Variants in DLAT observed in about 807,000 individuals in gnomAD.
DLAT encodes the protein dihydrolipoamide S-acetyltransferase, also known as dihydrolipoyllysine-residue acetyltransferase component of pyruvate dehydrogenase complex, mitochondrial.
DLAT carries 43 observed loss-of-function variants against 68.0 expected under a neutral mutation model. The observed-to-expected ratio is 0.63, with a 90% CI of 0.50 to 0.81. The LOEUF (loss-of-function observed/expected upper bound fraction) is 0.81. Ranked by LOEUF, DLAT falls within the 40% of genes least tolerant of loss-of-function variation. The pLI, the probability that DLAT is intolerant of heterozygous loss-of-function variation, is 0.00. For missense variants in DLAT, 745 were observed against 815.4 expected (o/e 0.91, Z 1.05); for synonymous variants, 265 against 288.6 (o/e 0.92, Z 0.83).
At chr11:112,028,200 G>A (rs959739102) in intron 2 of DLAT, among the ~76,000 whole-genome samples, 1 of 152,002 alleles carries the variant, frequency 6.6e-6, no homozygotes, top group Non-Finnish European at 1.5e-5. Flanking sequence ...CACATGAACT[G>A]TATAATTCTA....
At chr11:112,049,710 A>G (rs897014865) in intron 10 of DLAT, among the ~76,000 whole-genome samples, 1 of 151,998 alleles carries the variant, frequency 6.6e-6, no homozygotes, top group South Asian at 2.1e-4. Flanking sequence ...TTTTTTTCAT[A>G]TACCTGCTGA....
At chr11:112,058,920 T>C (rs1480942136) in intron 11 of DLAT, among the ~76,000 whole-genome samples, 2 of 152,134 alleles carry the variant, frequency 1.3e-5, no homozygotes, top group African/African-American at 2.4e-5. Flanking sequence ...TCAGTATAGT[T>C]TCTCTCTTTT....
chr11:112,030,630 T>C (rs1862342182), intron 4 of DLAT, among the ~76,000 whole-genome samples: 1 of 152,246 alleles, frequency 6.6e-6, no homozygotes, highest in Non-Finnish European at 1.5e-5. Context: ...GCAGTGAATG[T>C]AATCACTGTT....
At chr11:112,037,490 C>T (rs782178787) in intron 6 of DLAT, 30 bp downstream of exon 6, 6 of 1,605,586 alleles carry the variant, frequency 3.7e-6, no homozygotes, top group South Asian at 3.3e-5. Flanking sequence ...TCAGGAAACA[C>T]TTACCTTGTT....
At chr11:112,040,266 G>A (rs1263330637) in intron 7 of DLAT, among the ~76,000 whole-genome samples, 1 of 152,112 alleles carries the variant, frequency 6.6e-6, no homozygotes, top group Non-Finnish European at 1.5e-5. Flanking sequence ...TTGGTTTGAT[G>A]GCTTGTACTA....
chr11:112,041,877 G>A (rs1863068687), intron 7 of DLAT, among the ~76,000 whole-genome samples: 1 of 149,370 alleles, frequency 6.7e-6, no homozygotes, highest in Non-Finnish European at 1.5e-5. Context: ...GCAAGACTCC[G>A]TCTCAAAGAA....
rs587608662 is a variant in DLAT, at chr11:112,056,996, G to A, written c.1515-2907G>A. ...TTCCAACAGCATGTGCTCACTTCCT[G>A]TCTCTGTGTCACATTTTGGCAATTC... On this transcript the variant is annotated intron_variant, in intron 11 of 13. Transcript: ENST00000280346. 2.7e-3 allele frequency among the ~76,000 whole-genome samples: 418 copies of A among 152,242 alleles called. 2 individuals carry two copies. Among genetic ancestry groups the A allele is most frequent in the African/African-American group, 9.5e-3 (394 of 41,550 alleles).
chr11:112,054,359 G>A (rs1555182283), intron 11 of DLAT, among the ~76,000 whole-genome samples: 1 of 151,936 alleles, frequency 6.6e-6, no homozygotes, highest in Non-Finnish European at 1.5e-5. Flanking sequence ...TCTATATTTG[G>A]TTAATTTTTT....
At chr11:112,047,923 G>T (rs1863409808) in intron 10 of DLAT, among the ~76,000 whole-genome samples, 1 of 152,110 alleles carries the variant, frequency 6.6e-6, no homozygotes, top group Non-Finnish European at 1.5e-5. Context: ...TGTTCTTTTT[G>T]CTTAGGATTG....
In DLAT at chr11:112,045,887, T is replaced by G; in HGVS notation, c.1315T>G (p.Ser439Ala). ...GGTTATTGCACAGCGATTAATGCAA[T>G]CAAAGCAAACCATACCTCATTATTA... ...RRVIAQRLMQ[S>A]KQTIPHYYLS... Residue 439 changes from serine (S) to alanine (A), a missense_variant, in exon 10 of 14, where the codon TCA becomes GCA. Coordinates refer to ENST00000280346, the MANE Select transcript of DLAT (RefSeq NM_001931.5). The G allele has an allele frequency of 1.9e-6, 3 of 1,611,714 alleles. No individual in the cohort carries two copies. Among genetic ancestry groups the G allele is most frequent in the Non-Finnish European group, 2.5e-6 (3 of 1,177,970 alleles).
At chr11:112,061,882 CA>C (rs781883105) in intron 13 of DLAT, among the ~76,000 whole-genome samples, 12 of 152,226 alleles carry the variant, frequency 7.9e-5, no homozygotes, top group Non-Finnish European at 1.6e-4. Context: ...TGTGCCTGGC[CA>C]GAGTCTCAGT....
chr11:112,036,236 G>T, intron 5 of DLAT, among the ~76,000 whole-genome samples: 2 of 48,012 alleles, frequency 4.2e-5, no homozygotes, highest in Admixed American at 3.1e-4. Context: ...TTTTTGAGAC[G>T]GAGTTTCGCT....
chr11:112,040,730 G>A (rs1297468942), intron 7 of DLAT, among the ~76,000 whole-genome samples: 3 of 151,868 alleles, frequency 2.0e-5, no homozygotes, highest in African/African-American at 7.3e-5. Context: ...TATCATATAT[G>A]TATATATGAT....
chr11:112,058,214 T>C (rs915355733), intron 11 of DLAT, among the ~76,000 whole-genome samples: 1 of 152,232 alleles, frequency 6.6e-6, no homozygotes, highest in Non-Finnish European at 1.5e-5. Context: ...TAGGGAATAC[T>C]GTCCTTACTG....
At position 112,025,677 on chromosome 11, in the gene DLAT, C is replaced by A. The variant is rs782410431; in HGVS notation, c.205C>A (p.Pro69Thr). 34 of 1,612,978 alleles carry A rather than the reference C, an allele frequency of 2.1e-5. No homozygotes were observed. The highest frequency in any genetic ancestry group is 2.2e-5 in the Non-Finnish European group (26 of 1,179,988). Residue 69 changes from proline (P) to threonine (T), a missense_variant, in exon 1 of 14, where the codon CCG (proline) becomes ACG (threonine). Coordinates refer to ENST00000280346, the MANE Select transcript of DLAT (RefSeq NM_001931.5). ...CTGGACCCCCAGTTCTGGGGCCACGCCGCGGAACCGCTTACTGCTGCAGCT... is the reference window on the plus strand; with the variant it reads ...CTGGACCCCCAGTTCTGGGGCCACGACGCGGAACCGCTTACTGCTGCAGCT... ...CGWTPSSGAT[P>T]RNRLLLQLLG...
intron 9 of DLAT, 146 bp downstream of exon 9, chr11:112,045,376 A>G: frequency 1.4e-6 from 1 of 738,120 alleles, no homozygotes; most frequent in Non-Finnish European, 2.3e-6. Flanking sequence ...GGCCAACTGA[A>G]TACTTGAATC....
intron 11 of DLAT, among the ~76,000 whole-genome samples, chr11:112,058,989 C>T (rs1179163848): frequency 6.6e-6 from 1 of 151,310 alleles, no homozygotes; most frequent in Non-Finnish European, 1.5e-5. Context: ...GATCCAGATG[C>T]ATAGGGACAC....
intron 11 of DLAT, among the ~76,000 whole-genome samples, chr11:112,058,533 A>AG (rs1864260587): frequency 7.2e-6 from 1 of 138,234 alleles, no homozygotes; most frequent in Non-Finnish European, 1.5e-5. Flanking sequence ...GAACACTAGC[A>AG]GGGGCCCTTA....
rs782446203 is a variant in DLAT at position 112,060,577 on chromosome 11, C to G, written c.1678-461C>G. ...TCAAGCAATTCTCCTACCTCTGCCT[C>G]CTGAGTAGCTGGTATTACAGGCATG... is the stretch of plus-strand genomic sequence containing the variant. On this transcript the variant is annotated intron_variant, in intron 12 of 13. Coordinates refer to ENST00000280346, the MANE Select transcript of DLAT (RefSeq NM_001931.5). Among the ~76,000 whole-genome samples the G allele has an allele frequency of 6.6e-5, 10 of 152,136 alleles. No homozygotes were observed. In the South Asian group the frequency reaches 2.1e-3, roughly 32 times the overall value.
Sources: gnomAD v4.1 joint callset for allele counts (sites outside exome capture counted in the v4.1 genomes callset) on GRCh38, gnomAD v4.1.1 for gene constraint, MANE v1.5 for transcripts, NCBI Gene and HGNC (gene_info 2026-07-23, HGNC 2026-07-21) for gene names.